ZNF680: variants seen among roughly 807,000 people sequenced by gnomAD.
ZNF680 encodes the protein zinc finger protein 680.
A neutral mutation model predicts 12.1 loss-of-function variants in ZNF680; 6 were observed. The ratio of observed to expected loss-of-function variants is 0.49; its 90% CI spans 0.27 to 0.98. The LOEUF (loss-of-function observed/expected upper bound fraction) is 0.98, where lower values mean the gene tolerates loss of function less well. Ranked by LOEUF, ZNF680 falls within the 50% of genes least tolerant of loss-of-function variation. The probability of loss-of-function intolerance (pLI) is 0.12; values close to 1 mark genes in which losing one functional copy is unlikely to be tolerated. For synonymous variants in ZNF680, 170 were observed against 199.3 expected, an observed-to-expected ratio of 0.85 and a Z score of 1.24; for missense variants, 561 against 616.3, an observed-to-expected ratio of 0.91 and a Z score of 0.95.
In ZNF680 at chr7:64,543,700, C is replaced by T. The variant is rs772663357; in HGVS notation, c.253+7G>A. On this transcript the variant is annotated splice_region_variant and intron_variant, in intron 3 of 3. Coordinates refer to ENST00000309683, the MANE Select transcript of ZNF680 (RefSeq NM_178558.5). ...CATCTGTTGTATTCACTATCACTCT[C>T]ACCTACCTGGGGGTTTGGCTACCAT... is the stretch of plus-strand genomic sequence containing the variant. 3.1e-6 allele frequency: 5 copies of T among 1,611,800 alleles called. No homozygotes were observed. The highest frequency in any genetic ancestry group is 2.5e-6 in the Non-Finnish European group (3 of 1,178,526).
intron 3 of ZNF680, among the ~76,000 whole-genome samples, chr7:64,522,885 G>A (rs1190809613): frequency 2.0e-5 from 3 of 151,330 alleles, no homozygotes; most frequent in Non-Finnish European, 4.4e-5. Flanking sequence ...GAAAAAAATA[G>A]ATATCAAATG....
chr7:64,516,122 G>A (rs377063400), downstream of ZNF680, among the ~76,000 whole-genome samples: 164 of 152,166 alleles, frequency 1.1e-3, 1 homozygote, highest in African/African-American at 3.8e-3. Context: ...GCCTCACAGG[G>A]GGAACTCCTA....
chr7:64,525,699 T>C (rs1562740385), intron 3 of ZNF680: 1 of 790,220 alleles, frequency 1.3e-6, no homozygotes, highest in African/African-American at 1.9e-5. Flanking sequence ...CAAGTAAAAA[T>C]AGACATACCT....
In ZNF680 at chr7:64,545,708, C is replaced by T. The variant is rs1786752769; in HGVS notation, c.31-1276G>A. ...GATTTTAAGTAGTCTTTCTTCAGCA[C>T]CCTAGAAAGCAGGAATCTCCTAAAA... On this transcript the variant is annotated intron_variant, in intron 1 of 3. Coordinates refer to ENST00000309683, the MANE Select transcript of ZNF680 (RefSeq NM_178558.5). Among the ~76,000 whole-genome samples, 8 of 152,162 alleles carry T rather than the reference C, an allele frequency of 5.3e-5. No homozygotes were observed. In the South Asian group the frequency reaches 1.7e-3, roughly 32 times the overall value.
intron 1 of ZNF680, among the ~76,000 whole-genome samples, chr7:64,554,233 C>CG (rs1290016946): frequency 6.6e-6 from 1 of 150,844 alleles, no homozygotes; most frequent in Non-Finnish European, 1.5e-5. Flanking sequence ...TCTGCCCGGC[C>CG]GCGACCCCGT....
At chr7:64,508,147 A>ATATAT in the ZNF680 span, among the ~76,000 whole-genome samples, 8 of 135,306 alleles carry the variant, frequency 5.9e-5, no homozygotes, top group African/African-American at 2.4e-4. Flanking sequence ...ATATATACAT[A>ATATAT]ATTTTTTTTT....
intron 1 of ZNF680, among the ~76,000 whole-genome samples, chr7:64,556,028 C>G (rs10249274): frequency 6.6e-6 from 1 of 151,338 alleles, no homozygotes; most frequent in Admixed American, 6.6e-5. Flanking sequence ...ACAATAACCA[C>G]AAAAATAATA....
At chr7:64,558,337 A>G (rs2116564001) in intron 1 of ZNF680, among the ~76,000 whole-genome samples, 1 of 152,258 alleles carries the variant, frequency 6.6e-6, no homozygotes, top group Admixed American at 6.5e-5. Flanking sequence ...GAGTGTGGAC[A>G]CATCAATTTA....
the ZNF680 span, among the ~76,000 whole-genome samples, chr7:64,514,126 G>T: frequency 5.3e-5 from 8 of 152,242 alleles, no homozygotes; most frequent in Admixed American, 6.5e-5. Context: ...TTTCAAAGTT[G>T]TCTTTTCTAA....
intron 1 of ZNF680, among the ~76,000 whole-genome samples, chr7:64,555,890 C>G (rs572260935): frequency 1.3e-5 from 2 of 151,834 alleles, no homozygotes; most frequent in African/African-American, 4.8e-5. Flanking sequence ...TGCACATGAA[C>G]TAGAAAATCT....
the ZNF680 span, among the ~76,000 whole-genome samples, chr7:64,507,325 A>G: frequency 1.3e-5 from 2 of 152,190 alleles, no homozygotes; most frequent in African/African-American, 4.8e-5. Flanking sequence ...ATCAAAGGGT[A>G]CAAAGTTTCA....
intron 1 of ZNF680, 149 bp from the exon 2 acceptor site, chr7:64,544,581 T>C (rs939053381): frequency 7.5e-7 from 1 of 1,341,360 alleles, no homozygotes; most frequent in African/African-American, 1.5e-5. Context: ...AATTATACAA[T>C]AAAATAAATT....
At chr7:64,547,527 T>C (rs949692163) in intron 1 of ZNF680, among the ~76,000 whole-genome samples, 3 of 152,254 alleles carry the variant, frequency 2.0e-5, no homozygotes, top group Non-Finnish European at 2.9e-5. Context: ...ATACATTATT[T>C]GATTTAATCC....
the ZNF680 span, among the ~76,000 whole-genome samples, chr7:64,510,403 C>A: frequency 6.6e-6 from 1 of 151,840 alleles, no homozygotes; most frequent in Admixed American, 6.6e-5. Flanking sequence ...CTACCTGTAT[C>A]CCAACTCAAT....
In ZNF680 at chr7:64,520,964, C is replaced by T. The variant is rs961048124; in HGVS notation, c.*197G>A. ...TTCTTTATACTTGTACAATCTTTCT[C>T]AAGTAAAAATGCTTTCCTGTGCAAT... On this transcript the variant is annotated 3_prime_UTR_variant, in exon 4 of 4. Transcript: ENST00000309683. The T allele has an allele frequency of 1.4e-5, 8 of 553,998 alleles. No homozygotes were observed. The highest frequency in any genetic ancestry group is 1.3e-4 in the African/African-American group (7 of 52,616). 34.3% of individuals were successfully genotyped at this position (553,998 alleles called of 1,614,324 possible).
intron 3 of ZNF680, among the ~76,000 whole-genome samples, chr7:64,532,260 G>A (rs1398867881): frequency 1.3e-5 from 2 of 151,132 alleles, no homozygotes; most frequent in African/African-American, 4.9e-5. Context: ...AGCCGAGATC[G>A]TACCACTGCA....
the ZNF680 span, among the ~76,000 whole-genome samples, chr7:64,504,976 A>T: frequency 6.6e-6 from 1 of 152,196 alleles, no homozygotes; most frequent in Non-Finnish European, 1.5e-5. Flanking sequence ...AGATAAGAGC[A>T]ATGTGTTATG....
chr7:64,505,495 G>T, the ZNF680 span, among the ~76,000 whole-genome samples: 1 of 152,124 alleles, frequency 6.6e-6, no homozygotes, highest in African/African-American at 2.4e-5. Flanking sequence ...AGTCTCCATG[G>T]TATTTTTGTA....
At chr7:64,501,648 G>C in the ZNF680 span, 136 of 932,892 alleles carry the variant, frequency 1.5e-4, no homozygotes, top group Non-Finnish European at 2.0e-4. Flanking sequence ...GGGATGGCCA[G>C]CTGGAGTTGA....
Sources: allele counts gnomAD v4.1 joint callset (sites outside exome capture counted in the v4.1 genomes callset), GRCh38; gene constraint gnomAD v4.1.1; transcripts MANE v1.5; gene names NCBI Gene and HGNC (gene_info 2026-07-23, HGNC 2026-07-21).